The following C1orf21 variants were observed in gnomAD, a reference collection of about 807,000 sequenced individuals.
C1orf21 encodes chromosome 1 open reading frame 21, also known as uncharacterized protein C1orf21.
Under a neutral mutation model 18.7 loss-of-function variants are expected in C1orf21, and 3 were observed. The ratio of observed to expected loss-of-function variants is 0.16; its 90% CI spans 0.07 to 0.42. C1orf21 has a LOEUF of 0.42. Among genes scored for constraint, C1orf21 ranks in the 10% least tolerant of loss-of-function variants. The pLI is 0.99. For missense variants in C1orf21, 104 were observed against 143.6 expected (o/e 0.72, Z 1.41); for synonymous variants, 41 against 46.4 (o/e 0.88, Z 0.47).
At chr1:184,602,469 C>T (rs1233986036) in intron 5 of C1orf21, among the ~76,000 whole-genome samples, 2 of 152,166 alleles carry the variant, frequency 1.3e-5, no homozygotes, top group Non-Finnish European at 2.9e-5. Context: ...ATCTAACCAT[C>T]GTTATTCCAC....
intron 4 of C1orf21, among the ~76,000 whole-genome samples, chr1:184,594,540 A>T (rs1048821905): frequency 1.6e-4 from 24 of 152,210 alleles, no homozygotes; most frequent in African/African-American, 5.5e-4. Context: ...GGGGAGACTA[A>T]AGGAAGAAAG....
At chr1:184,593,271 T>TTTTG (rs1659464590) in intron 4 of C1orf21, among the ~76,000 whole-genome samples, 1 of 149,692 alleles carries the variant, frequency 6.7e-6, no homozygotes, top group African/African-American at 2.4e-5. Context: ...AGCAGCATGC[T>TTTTG]TGTGTGTGTG....
At chr1:184,448,243 C>T (rs1204050284) in intron 1 of C1orf21, among the ~76,000 whole-genome samples, 1 of 152,100 alleles carries the variant, frequency 6.6e-6, no homozygotes, top group Non-Finnish European at 1.5e-5. Context: ...ATCACTATGC[C>T]CAGCTAATTT....
intron 1 of C1orf21, among the ~76,000 whole-genome samples, chr1:184,399,057 T>C (rs181339149): frequency 2.3e-3 from 345 of 152,298 alleles, no homozygotes; most frequent in Middle Eastern, 0.017. Context: ...TAAAAATTAT[T>C]ACTTTTTTGC....
At chr1:184,422,923 G>A (rs569256809) in intron 1 of C1orf21, among the ~76,000 whole-genome samples, 3 of 152,334 alleles carry the variant, frequency 2.0e-5, no homozygotes, top group East Asian at 3.9e-4. Flanking sequence ...ACTTGCTGCA[G>A]GGAAAGCAGT....
At chr1:184,434,120 A>G (rs1656817725) in intron 1 of C1orf21, among the ~76,000 whole-genome samples, 1 of 152,124 alleles carries the variant, frequency 6.6e-6, no homozygotes, top group Non-Finnish European at 1.5e-5. Context: ...GAGCACTTTC[A>G]TGACAGGGAT....
intron 1 of C1orf21, among the ~76,000 whole-genome samples, chr1:184,466,273 C>A (rs1003737227): frequency 2.0e-5 from 3 of 152,104 alleles, no homozygotes; most frequent in Non-Finnish European, 4.4e-5. Flanking sequence ...ATCTCAAACC[C>A]CATGAAACAT....
chr1:184,476,681 C>G (rs1657576164), intron 1 of C1orf21, among the ~76,000 whole-genome samples: 2 of 152,214 alleles, frequency 1.3e-5, no homozygotes. Flanking sequence ...AGCTTGACAA[C>G]TGCTTTGTTG....
At chr1:184,570,302 T>G (rs1659091197) in intron 3 of C1orf21, among the ~76,000 whole-genome samples, 1 of 152,198 alleles carries the variant, frequency 6.6e-6, no homozygotes, top group South Asian at 2.1e-4. Context: ...AAATAATGTT[T>G]AATAAGTTTA....
At chr1:184,435,953 T>C (rs879804899) in intron 1 of C1orf21, among the ~76,000 whole-genome samples, 52 of 152,266 alleles carry the variant, frequency 3.4e-4, no homozygotes, top group Non-Finnish European at 6.2e-4. Context: ...TGGAGTACCA[T>C]GTGACAAAGA....
intron 1 of C1orf21, among the ~76,000 whole-genome samples, chr1:184,466,888 C>T (rs1467856051): frequency 6.6e-6 from 1 of 151,946 alleles, no homozygotes; most frequent in Admixed American, 6.6e-5. Flanking sequence ...GCAGGTTTCC[C>T]AAAAATGATT....
rs961888237 is a variant in C1orf21, at chr1:184,581,507, C to T, written c.190-9232C>T. 5.7e-4 allele frequency among the ~76,000 whole-genome samples: 86 copies of T among 151,870 alleles called. 1 individual carries two copies. The highest frequency in any genetic ancestry group is 2.0e-4 in the Admixed American group (3 of 15,228). The stretch of plus-strand genomic sequence containing the variant: ...ACCCTATTCTGACTGATTAAAAACA[C>T]TCTGGGTAAAAATTGAATGTGGTTC... On this transcript the variant is annotated intron_variant, in intron 3 of 5. Coordinates refer to ENST00000235307, the MANE Select transcript of C1orf21 (RefSeq NM_030806.4).
intron 1 of C1orf21, among the ~76,000 whole-genome samples, chr1:184,430,971 G>A (rs1357672797): frequency 6.6e-6 from 1 of 152,108 alleles, no homozygotes; most frequent in East Asian, 1.9e-4. Context: ...TTGAGCAGTG[G>A]TTTGTAGTTC....
chr1:184,390,541 G>T (rs916721153), intron 1 of C1orf21, among the ~76,000 whole-genome samples: 1 of 152,150 alleles, frequency 6.6e-6, no homozygotes, highest in Admixed American at 6.5e-5. Flanking sequence ...TTCACTCAGA[G>T]ATATTGGGTC....
chr1:184,523,606 A>G (rs931155490), intron 3 of C1orf21, among the ~76,000 whole-genome samples: 8 of 152,292 alleles, frequency 5.3e-5, no homozygotes, highest in Admixed American at 3.3e-4. Context: ...TGTCTTATCA[A>G]TGTTACTTGA....
At chr1:184,392,559 A>G (rs1022448920) in intron 1 of C1orf21, among the ~76,000 whole-genome samples, 1 of 152,268 alleles carries the variant, frequency 6.6e-6, no homozygotes, top group Admixed American at 6.5e-5. Context: ...TATCCATGTC[A>G]CAGAACTGCA....
At chr1:184,552,740 A>G (rs1571411731) in intron 3 of C1orf21, among the ~76,000 whole-genome samples, 1 of 152,220 alleles carries the variant, frequency 6.6e-6, no homozygotes, top group East Asian at 1.9e-4. Flanking sequence ...CATAATTCCA[A>G]TTTTGTAGAT....
intron 1 of C1orf21, among the ~76,000 whole-genome samples, chr1:184,399,940 G>A (rs1656122818): frequency 6.6e-6 from 1 of 151,898 alleles, no homozygotes; most frequent in Non-Finnish European, 1.5e-5. Context: ...TTGATGCTTG[G>A]TTTTCTTTCT....
chr1:184,415,766 A>C (rs1257550907), intron 1 of C1orf21, among the ~76,000 whole-genome samples: 1 of 152,200 alleles, frequency 6.6e-6, no homozygotes, highest in Non-Finnish European at 1.5e-5. Context: ...CTTATGGCAA[A>C]TTGACTTGAA....
Sources: allele counts gnomAD v4.1 joint callset (sites outside exome capture counted in the v4.1 genomes callset), GRCh38; gene constraint gnomAD v4.1.1; transcripts MANE v1.5; gene names NCBI Gene and HGNC (gene_info 2026-07-23, HGNC 2026-07-21).